REV3L: variants seen among roughly 807,000 people sequenced by gnomAD.
The protein encoded by REV3L is DNA polymerase zeta catalytic subunit.
REV3L carries 69 observed loss-of-function variants against 299.4 expected under a neutral mutation model. That is an observed-to-expected ratio of 0.23 (90% CI 0.19 to 0.28). REV3L has a LOEUF of 0.28. REV3L is among the 10% of genes least tolerant of loss of function. The pLI is 1.00. For synonymous variants in REV3L, 1,238 were observed against 1,271.4 expected (o/e 0.97, Z 0.56); for missense variants, 3,128 against 3,693.8 (o/e 0.85, Z 3.97).
intron 1 of REV3L, among the ~76,000 whole-genome samples, chr6:111,418,155 G>A (rs981976319): frequency 1.1e-4 from 17 of 152,144 alleles, no homozygotes; most frequent in Admixed American, 1.1e-3. Flanking sequence ...CTAAACTACA[G>A]GTTGAGGGAG....
chr6:111,352,627 A>G (rs1306788096), intron 18 of REV3L, among the ~76,000 whole-genome samples: 1 of 152,212 alleles, frequency 6.6e-6, no homozygotes, highest in East Asian at 1.9e-4. Flanking sequence ...TTTGGTTCTC[A>G]CACAAAATAA....
intron 1 of REV3L, among the ~76,000 whole-genome samples, chr6:111,477,256 AGAATTAATAGACGAGTTTCAAGCACT>A (rs1389373378): frequency 6.6e-6 from 1 of 152,236 alleles, no homozygotes; most frequent in East Asian, 1.9e-4. Flanking sequence ...ATGAGTTCCA[AGAATTAATAGACGAGTTTCAAGCACT>A]GTGGTAAGCA....
chr6:111,387,766 T>G lies in REV3L; in HGVS notation c.1095A>C (p.Lys365Asn). ...VEVHKDKESS[K>N]GHTRHKVEEA... ...GTATACATGAAAAGAAAATCTTACC[T>G]TTGCTTGACTCTTTGTCTTTGTGAA... Residue 365 changes from lysine (K) to asparagine (N), a missense_variant and splice_region_variant, in exon 9 of 32, where the codon AAA (lysine) becomes AAC (asparagine). By Grantham distance (94) the Lys-to-Asn change is moderately conservative (BLOSUM62 0). Around this residue, in one of 9 missense-constraint regions of REV3L, gnomAD observed 2,409 missense variants for 2,611.8 expected, o/e 0.92. Coordinates refer to ENST00000368802, the MANE Select transcript of REV3L (RefSeq NM_001372078.1). The G allele has an allele frequency of 6.2e-7, 1 of 1,613,706 alleles. No individual in the cohort carries two copies. The highest frequency in any genetic ancestry group is 8.5e-7 in the Non-Finnish European group (1 of 1,179,754).
intron 1 of REV3L, among the ~76,000 whole-genome samples, chr6:111,478,724 C>A (rs1024022923): frequency 1.3e-5 from 2 of 151,556 alleles, no homozygotes; most frequent in Non-Finnish European, 2.9e-5. Context: ...TAAGCATCTA[C>A]ATAAACTTAT....
In REV3L at chr6:111,300,119, A is replaced by T; in HGVS notation, c.9290T>A (p.Ile3097Asn). ...TGGGCAGTTCAGAGAAACACATGGGATGTGTCGATCAAAGCAACCTGTACA... is the reference window on the plus strand; with the variant it reads ...TGGGCAGTTCAGAGAAACACATGGGTTGTGTCGATCAAAGCAACCTGTACA... ...KNCTGCFDRH[I>N]PCVSLNCPVL... The change falls in exon 32 of 32, where the codon ATC becomes AAC. Residue 3097 changes from isoleucine to asparagine, a missense_variant. Transcript: ENST00000368802. 6.2e-7 allele frequency: 1 copy of T among 1,613,086 alleles called. No individual in the cohort carries two copies. The highest frequency in any genetic ancestry group is 1.1e-5 in the South Asian group (1 of 90,800).
chr6:111,404,944 G>A (rs1359690964), intron 4 of REV3L, among the ~76,000 whole-genome samples: 3 of 152,154 alleles, frequency 2.0e-5, no homozygotes, highest in Admixed American at 6.5e-5. Context: ...TTAGGAATCC[G>A]TCTGGAATGC....
intron 31 of REV3L, among the ~76,000 whole-genome samples, chr6:111,302,688 T>C (rs1771713758): frequency 6.6e-6 from 1 of 152,190 alleles, no homozygotes; most frequent in Non-Finnish European, 1.5e-5. Flanking sequence ...GTGGATCACC[T>C]GAGGTCAGGA....
intron 1 of REV3L, among the ~76,000 whole-genome samples, chr6:111,449,508 A>C (rs1297038322): frequency 3.3e-5 from 5 of 152,312 alleles, no homozygotes; most frequent in African/African-American, 1.2e-4. Flanking sequence ...TAAGTAACTA[A>C]AATGGGCAGA....
intron 31 of REV3L, 65 bp from the exon 32 acceptor site, chr6:111,300,221 AT>A: frequency 7.7e-7 from 1 of 1,305,674 alleles, no homozygotes; most frequent in Non-Finnish European, 1.0e-6. Context: ...CAAACAACAA[AT>A]TTTTATAATC....
chr6:111,373,916 A>G lies in REV3L; in HGVS notation c.4439T>C (p.Ile1480Thr), dbSNP rs748427642. Reference sequence around the variant, plus strand: ...AGGTTTAAAATTTGACATATCTAAAATAAAGCCCCTTTGCTTTTGCTCCCA... The same window carrying G: ...AGGTTTAAAATTTGACATATCTAAAGTAAAGCCCCTTTGCTTTTGCTCCCA... ...IAWEQKQRGFILDMSNFKPER... is the reference protein window; with the variant it reads ...IAWEQKQRGFTLDMSNFKPER... Residue 1480 changes from isoleucine (I) to threonine (T), a missense_variant, in exon 13 of 32, where the codon ATT becomes ACT. Ile to Thr is a moderately conservative substitution (Grantham distance 89). Around this residue, in one of 9 missense-constraint regions of REV3L, gnomAD observed 2,409 missense variants for 2,611.8 expected, o/e 0.92. Transcript: ENST00000368802. 6.2e-7 allele frequency: 1 copy of G among 1,614,122 alleles called. No homozygotes were observed. The highest frequency in any genetic ancestry group is 1.1e-5 in the South Asian group (1 of 91,064).
intron 5 of REV3L, among the ~76,000 whole-genome samples, chr6:111,392,269 T>C (rs990399292): frequency 6.6e-6 from 1 of 152,270 alleles, no homozygotes; most frequent in South Asian, 2.1e-4. Context: ...GGTGTTCCTA[T>C]GGAGGGGAAG....
In REV3L at chr6:111,377,761, T is replaced by G; in HGVS notation, c.1537A>C (p.Ser513Arg). 2 of 1,613,820 alleles carry G rather than the reference T, an allele frequency of 1.2e-6. No homozygotes were observed. Among genetic ancestry groups the G allele is most frequent in the Non-Finnish European group, 1.7e-6 (2 of 1,179,832 alleles). ...SGEEMEWSDN[S>R]LLLASLSIPQ... is the part of the protein sequence containing the mutation. ...ATAGAAAGACTGGCTAGAAGCAAAC[T>G]GTTATCACTCCATTCCATTTCTTCT... is the stretch of plus-strand genomic sequence containing the variant. The change falls in exon 12 of 32, where the codon AGT (serine) becomes CGT (arginine). Residue 513 changes from serine (S) to arginine (R), a missense_variant. Around this residue, in one of 9 missense-constraint regions of REV3L, gnomAD observed 2,409 missense variants for 2,611.8 expected, o/e 0.92. Coordinates refer to ENST00000368802, the MANE Select transcript of REV3L (RefSeq NM_001372078.1).
chr6:111,406,176 T>G (rs1783600967), intron 3 of REV3L, among the ~76,000 whole-genome samples: 1 of 152,164 alleles, frequency 6.6e-6, no homozygotes, highest in East Asian at 1.9e-4. Flanking sequence ...CTGCAAAACC[T>G]TAGAGAAACT....
chr6:111,464,946 G>A (rs1421999852), intron 1 of REV3L, among the ~76,000 whole-genome samples: 1 of 151,918 alleles, frequency 6.6e-6, no homozygotes, highest in East Asian at 1.9e-4. Flanking sequence ...AGGCTGCAGT[G>A]AGCCACGATC....
In REV3L at chr6:111,367,960, T is replaced by A; in HGVS notation, c.5828A>T (p.Asp1943Val). The change falls in exon 14 of 32, where the codon GAC becomes GTC. Residue 1943 changes from aspartate (D) to valine (V), a missense_variant. Asp to Val is a radical substitution (Grantham distance 152, BLOSUM62 -3). This residue lies in a region of REV3L where 2,409 missense variants were observed against 2,611.8 expected (regional missense o/e 0.92). Coordinates refer to ENST00000368802, the MANE Select transcript of REV3L (RefSeq NM_001372078.1). ...LANDLAEFEG[D>V]FSLEGLRLWK... is the part of the protein sequence containing the mutation. ...AAGACGAAGTCCTTCCAAGGAAAAG[T>A]CTCCCTCAAACTCAGCCAGATCATT... 2 of 1,613,930 alleles carry A rather than the reference T, an allele frequency of 1.2e-6. No homozygotes were observed. Among genetic ancestry groups the A allele is most frequent in the Non-Finnish European group, 1.7e-6 (2 of 1,179,964 alleles).
At chr6:111,316,089 T>C (rs372738759) in intron 26 of REV3L, among the ~76,000 whole-genome samples, 1 of 151,910 alleles carries the variant, frequency 6.6e-6, no homozygotes, top group African/African-American at 2.4e-5. Flanking sequence ...AATATAAAAA[T>C]TAGCCAGGCC....
intron 1 of REV3L, among the ~76,000 whole-genome samples, chr6:111,426,210 T>G (rs1475396898): frequency 6.6e-6 from 1 of 152,212 alleles, no homozygotes; most frequent in African/African-American, 2.4e-5. Context: ...TGAATTCAAT[T>G]GTAGAACACC....
At chr6:111,399,686 T>A (rs1277654429) in intron 4 of REV3L, among the ~76,000 whole-genome samples, 10 of 151,800 alleles carry the variant, frequency 6.6e-5, no homozygotes, top group Admixed American at 6.6e-4. Flanking sequence ...GGGTTACGAG[T>A]TTTTGGCAAG....
chr6:111,452,309 A>T (rs539130050), intron 1 of REV3L, among the ~76,000 whole-genome samples: 3 of 152,328 alleles, frequency 2.0e-5, no homozygotes, highest in Admixed American at 2.0e-4. Flanking sequence ...GCTGTTTCTT[A>T]TGAAGTAAAC....
Sources: allele counts gnomAD v4.1 joint callset (sites outside exome capture counted in the v4.1 genomes callset), GRCh38; gene constraint gnomAD v4.1.1; regional missense constraint gnomAD v4.1.1; transcripts MANE v1.5; gene names NCBI Gene and HGNC (gene_info 2026-07-23, HGNC 2026-07-21).